MIPOL1: variants seen among roughly 807,000 people sequenced by gnomAD.
The protein encoded by MIPOL1 is mirror-image polydactyly gene 1 protein.
In MIPOL1, 57 loss-of-function variants were observed where a neutral mutation model predicts 60.9. The ratio of observed to expected loss-of-function variants is 0.94; its 90% CI spans 0.76 to 1.17. The LOEUF (loss-of-function observed/expected upper bound fraction) is 1.17. Among genes scored for constraint, MIPOL1 ranks in the 50% most tolerant of loss-of-function variants. The pLI, the probability that MIPOL1 is intolerant of heterozygous loss-of-function variation, is 0.00. For missense variants in MIPOL1, 551 were observed against 511.6 expected, an observed-to-expected ratio of 1.08 and a Z score of -0.74; for synonymous variants, 179 against 168.8, an observed-to-expected ratio of 1.06 and a Z score of -0.47.
At chr14:37,405,499 C>T (rs774157162) in intron 10 of MIPOL1, among the ~76,000 whole-genome samples, 13 of 152,100 alleles carry the variant, frequency 8.5e-5, no homozygotes, top group Admixed American at 2.0e-4. Context: ...TGAAATCTTG[C>T]TTGGTTTATT....
At chr14:37,297,982 C>G (rs564973808) in intron 7 of MIPOL1, among the ~76,000 whole-genome samples, 3 of 152,072 alleles carry the variant, frequency 2.0e-5, no homozygotes, top group African/African-American at 7.2e-5. Flanking sequence ...AAAAAGAGCC[C>G]GCATCGCCAA....
intron 1 of MIPOL1, among the ~76,000 whole-genome samples, chr14:37,221,002 G>A (rs1415550750): frequency 5.3e-5 from 8 of 151,880 alleles, no homozygotes; most frequent in Admixed American, 1.3e-4. Context: ...AAGCCGTACC[G>A]ACACATATTT....
chr14:37,304,072 G>A (rs775378603), intron 7 of MIPOL1, among the ~76,000 whole-genome samples: 5 of 151,778 alleles, frequency 3.3e-5, no homozygotes, highest in Non-Finnish European at 5.9e-5. Flanking sequence ...CTTGATAACA[G>A]GACCAATGCA....
In MIPOL1 at chr14:37,344,814, G is replaced by A. The variant is rs139216696; in HGVS notation, c.829-24703G>A. 2.4e-3 allele frequency among the ~76,000 whole-genome samples: 371 copies of A among 152,188 alleles called. 3 individuals carry two copies. The highest frequency in any genetic ancestry group is 0.023 in the East Asian group (119 of 5,154). On this transcript the variant is annotated intron_variant, in intron 9 of 12. Coordinates refer to ENST00000684589, the MANE Select transcript of MIPOL1 (RefSeq NM_001388067.1). ...GGACGCCCAGGCAGGAAGACTGCTT[G>A]AGGCTAGTAGTTCGAGAACCAGCTG...
At chr14:37,403,953 C>T (rs1376198703) in intron 10 of MIPOL1, among the ~76,000 whole-genome samples, 2 of 152,074 alleles carry the variant, frequency 1.3e-5, no homozygotes, top group African/African-American at 4.8e-5. Context: ...TTGTAGACAC[C>T]TCTTTTGTAG....
intron 11 of MIPOL1, among the ~76,000 whole-genome samples, chr14:37,443,894 A>G (rs2094291828): frequency 1.3e-5 from 2 of 152,186 alleles, no homozygotes; most frequent in South Asian, 4.1e-4. Context: ...CAGAATAAGG[A>G]AGAGAAAATA....
intron 11 of MIPOL1, among the ~76,000 whole-genome samples, chr14:37,460,570 T>C (rs1335600022): frequency 5.3e-5 from 8 of 152,128 alleles, no homozygotes; most frequent in African/African-American, 1.9e-4. Context: ...AATTAAATTA[T>C]CCCTGTTCAC....
chr14:37,480,315 A>G (rs1002655904), intron 11 of MIPOL1, among the ~76,000 whole-genome samples: 1 of 152,182 alleles, frequency 6.6e-6, no homozygotes, highest in Non-Finnish European at 1.5e-5. Context: ...ACAAAATGCT[A>G]TCAAACCAAA....
At chr14:37,439,568 G>T (rs2094211203) in intron 11 of MIPOL1, among the ~76,000 whole-genome samples, 1 of 152,052 alleles carries the variant, frequency 6.6e-6, no homozygotes, top group African/African-American at 2.4e-5. Context: ...ATACATTTTT[G>T]AAAAGCTTAT....
intron 9 of MIPOL1, among the ~76,000 whole-genome samples, chr14:37,364,907 G>C (rs1252071043): frequency 1.3e-5 from 2 of 152,014 alleles, no homozygotes; most frequent in Non-Finnish European, 2.9e-5. Flanking sequence ...TGTCATCAGT[G>C]TTTTATAGTT....
At chr14:37,421,913 T>A (rs2093879244) in intron 10 of MIPOL1, among the ~76,000 whole-genome samples, 1 of 152,044 alleles carries the variant, frequency 6.6e-6, no homozygotes, top group Non-Finnish European at 1.5e-5. Flanking sequence ...AACTTTCTAT[T>A]ACTTTTTAAT....
chr14:37,386,620 T>G (rs1035002264), intron 10 of MIPOL1, among the ~76,000 whole-genome samples: 1 of 152,042 alleles, frequency 6.6e-6, no homozygotes, highest in African/African-American at 2.4e-5. Flanking sequence ...CCAAGCTCAC[T>G]GATGAGCTCT....
intron 4 of MIPOL1, 29 bp downstream of exon 4, chr14:37,267,198 G>A: frequency 1.3e-6 from 2 of 1,565,918 alleles, no homozygotes; most frequent in South Asian, 2.2e-5. Flanking sequence ...AGATTTAGAA[G>A]GAATTGGGGC....
intron 10 of MIPOL1, among the ~76,000 whole-genome samples, chr14:37,389,493 A>T (rs1415280169): frequency 6.6e-6 from 1 of 151,956 alleles, no homozygotes; most frequent in Admixed American, 6.6e-5. Context: ...TGGTAATCTG[A>T]GACTTTCTTT....
chr14:37,520,926 CTTTTTTTTTTTTTTT>C (rs11299536), intron 12 of MIPOL1, among the ~76,000 whole-genome samples: 1 of 47,734 alleles, frequency 2.1e-5, no homozygotes, highest in African/African-American at 1.0e-4. Flanking sequence ...TAACATTTTA[CTTTTTTTTTTTTTTT>C]TTTTTTTTTT....
At chr14:37,531,376 G>T (rs1458615389) in intron 12 of MIPOL1, among the ~76,000 whole-genome samples, 1 of 151,910 alleles carries the variant, frequency 6.6e-6, no homozygotes, top group Non-Finnish European at 1.5e-5. Context: ...TTTCCTTGAA[G>T]CCTTCCTTCT....
Position 37,335,784 on chromosome 14 carries a change from T to A in MIPOL1, c.828+27265T>A, listed in dbSNP as rs554586588. On this transcript the variant is annotated intron_variant, in intron 9 of 12. Coordinates refer to ENST00000684589, the MANE Select transcript of MIPOL1 (RefSeq NM_001388067.1). The stretch of plus-strand genomic sequence containing the variant: ...CCCAGTTTTAAGCTGGATTTGTTAT[T>A]GTTTGTATATTCTGGATTAAACTCC... Among the ~76,000 whole-genome samples, 10 of 152,272 alleles carry A rather than the reference T, an allele frequency of 6.6e-5. No homozygotes were observed. In the East Asian group the frequency reaches 1.9e-3, roughly 29 times the overall value.
In MIPOL1 at chr14:37,500,009, C is replaced by A; in HGVS notation, c.1133C>A (p.Ser378Tyr). The change falls in exon 12 of 13, where the codon TCC becomes TAC. Residue 378 changes from serine to tyrosine, a missense_variant. By Grantham distance (144) the Ser-to-Tyr change is moderately radical (BLOSUM62 -2). Transcript: ENST00000684589. ...EALKNRENIVSITQQQNEELA... is the reference protein window; with the variant it reads ...EALKNRENIVYITQQQNEELA... Reference sequence around the variant, plus strand: ...TTAAAAAACAGAGAGAACATTGTTTCCATCACTCAACAACAAAATGAGGAA... The same window carrying A: ...TTAAAAAACAGAGAGAACATTGTTTACATCACTCAACAACAAAATGAGGAA... 1 of 1,613,530 alleles carries A rather than the reference C, an allele frequency of 6.2e-7. No homozygotes were observed. Among genetic ancestry groups the A allele is most frequent in the Non-Finnish European group, 8.5e-7 (1 of 1,179,558 alleles).
chr14:37,285,444 A>G lies in MIPOL1; in HGVS notation c.620A>G (p.Lys207Arg), dbSNP rs1385467838. The part of the protein sequence containing the change: ...ARAKHMEMSL[K>R]VLENINPEEN... Reference sequence around the variant, plus strand: ...GCCAAGCATATGGAAATGTCTCTAAAAGTGTATGTACACATTTAAAACTCA... The same window carrying G: ...GCCAAGCATATGGAAATGTCTCTAAGAGTGTATGTACACATTTAAAACTCA... Residue 207 changes from lysine (K) to arginine (R), a missense_variant, in exon 7 of 13, where the codon AAA (lysine) becomes AGA (arginine). By Grantham distance (26) the Lys-to-Arg change is conservative (BLOSUM62 2). Coordinates refer to ENST00000684589, the MANE Select transcript of MIPOL1 (RefSeq NM_001388067.1). 2.5e-6 allele frequency: 4 copies of G among 1,613,824 alleles called. No individual in the cohort carries two copies. Among genetic ancestry groups the G allele is most frequent in the Non-Finnish European group, 3.4e-6 (4 of 1,179,928 alleles).
Sources: gnomAD v4.1 joint callset for allele counts (sites outside exome capture counted in the v4.1 genomes callset) on GRCh38, gnomAD v4.1.1 for gene constraint, MANE v1.5 for transcripts, NCBI Gene and HGNC (gene_info 2026-07-23, HGNC 2026-07-21) for gene names.